Variants in WWOX observed in about 807,000 individuals in gnomAD.
WWOX encodes the protein WW domain-containing oxidoreductase.
Under a neutral mutation model 46.2 loss-of-function variants are expected in WWOX, and 69 were observed. That is an observed-to-expected ratio of 1.49 (90% CI 1.23 to 1.82). WWOX has a LOEUF of 1.82. WWOX is among the 40% of genes most tolerant of loss of function. WWOX has a pLI of 0.00. For synonymous variants in WWOX, 359 were observed against 202.6 expected (o/e 1.77, Z -6.56); for missense variants, 919 against 542.6 (o/e 1.69, Z -6.89).
chr16:78,817,738 G>A (rs1438242723), intron 8 of WWOX, among the ~76,000 whole-genome samples: 8 of 152,052 alleles, frequency 5.3e-5, no homozygotes, highest in Non-Finnish European at 1.0e-4. Context: ...GACCTCTTCG[G>A]GTCCCAGCCC....
intron 8 of WWOX, among the ~76,000 whole-genome samples, chr16:79,025,535 C>A (rs1230924976): frequency 6.6e-6 from 1 of 152,028 alleles, no homozygotes; most frequent in Non-Finnish European, 1.5e-5. Context: ...CCAGGGAGCA[C>A]TGAGGGCTGC....
At chr16:78,163,751 G>C (rs1208924427) in intron 4 of WWOX, among the ~76,000 whole-genome samples, 1 of 152,190 alleles carries the variant, frequency 6.6e-6, no homozygotes, top group Non-Finnish European at 1.5e-5. Context: ...ACTTACCATA[G>C]AGTAGAGCAT....
intron 8 of WWOX, among the ~76,000 whole-genome samples, chr16:78,788,391 G>A (rs932578098): frequency 6.6e-6 from 1 of 152,182 alleles, no homozygotes; most frequent in Non-Finnish European, 1.5e-5. Context: ...CCCAAGGCAG[G>A]ACTCTAATCT....
At chr16:78,122,273 A>T (rs2033133497) in intron 4 of WWOX, among the ~76,000 whole-genome samples, 1 of 152,190 alleles carries the variant, frequency 6.6e-6, no homozygotes, top group Non-Finnish European at 1.5e-5. Flanking sequence ...TGTGAACCTG[A>T]TTAGATCTCA....
chr16:79,070,312 C>T (rs1347686851), intron 8 of WWOX, among the ~76,000 whole-genome samples: 2 of 138,218 alleles, frequency 1.4e-5, no homozygotes, highest in East Asian at 2.1e-4. Flanking sequence ...GTGTGTTTTC[C>T]AGAAACCAAC....
At position 78,934,616 on chromosome 16, in the gene WWOX, G is replaced by A. The variant is rs575316786; in HGVS notation, c.1057-276992G>A. Reference sequence around the variant, plus strand: ...TTTTTACCCTACCCTCTTCCCCTATGACCCACCACCACGCAGGCCTTGCTA... The same window carrying A: ...TTTTTACCCTACCCTCTTCCCCTATAACCCACCACCACGCAGGCCTTGCTA... On this transcript the variant is annotated intron_variant, in intron 8 of 8. Transcript: ENST00000566780. Among the ~76,000 whole-genome samples the A allele has an allele frequency of 7.9e-4, 120 of 151,268 alleles. 1 individual carries two copies. Among genetic ancestry groups the A allele is most frequent in the African/African-American group, 2.7e-3 (112 of 41,258 alleles).
chr16:78,879,874 T>C (rs938924438), intron 8 of WWOX, among the ~76,000 whole-genome samples: 1 of 82,028 alleles, frequency 1.2e-5, no homozygotes, highest in African/African-American at 4.1e-5. Context: ...CAAAACTCTG[T>C]CTCAAAAAAA....
At chr16:78,823,052 T>C (rs931619113) in intron 8 of WWOX, among the ~76,000 whole-genome samples, 2 of 152,246 alleles carry the variant, frequency 1.3e-5, no homozygotes, top group African/African-American at 4.8e-5. Context: ...AAAGGCCTTT[T>C]ATTGCATGCT....
intron 5 of WWOX, among the ~76,000 whole-genome samples, chr16:78,368,022 G>T (rs1381052719): frequency 6.6e-6 from 1 of 152,176 alleles, no homozygotes; most frequent in African/African-American, 2.4e-5. Flanking sequence ...CTCCCAAAGT[G>T]CTGGGATTAC....
intron 8 of WWOX, among the ~76,000 whole-genome samples, chr16:79,022,743 C>A (rs950940400): frequency 6.6e-6 from 1 of 152,168 alleles, no homozygotes; most frequent in Non-Finnish European, 1.5e-5. Flanking sequence ...CAGTGGCCCC[C>A]CACCAAGCCC....
At position 78,320,241 on chromosome 16, in the gene WWOX, GT is replaced by G. The variant is rs549408425; in HGVS notation, c.517-66614del. 1.1e-3 allele frequency among the ~76,000 whole-genome samples: 166 copies of G among 152,260 alleles called. 1 individual carries two copies. The highest frequency in any genetic ancestry group is 0.01 in the Middle Eastern group (3 of 294). On this transcript the variant is annotated intron_variant, in intron 5 of 8. Coordinates refer to ENST00000566780, the MANE Select transcript of WWOX (RefSeq NM_016373.4). Reference sequence around the variant, plus strand: ...GGTACAGAACTGAAATTTTCTCTGGGTTTTTAAGTGGAAGAGTACACAAGCA... The same window carrying G: ...GGTACAGAACTGAAATTTTCTCTGGGTTTTAAGTGGAAGAGTACACAAGCA...
chr16:78,659,227 CACAG>C (rs2047155176), intron 8 of WWOX, among the ~76,000 whole-genome samples: 1 of 152,120 alleles, frequency 6.6e-6, no homozygotes, highest in Non-Finnish European at 1.5e-5. Context: ...GAAATTGAGG[CACAG>C]ACAGATTCAA....
intron 8 of WWOX, chr16:79,203,758 C>T (rs1007901232): frequency 3.3e-5 from 5 of 152,148 alleles, no homozygotes; most frequent in Admixed American, 2.0e-4. Flanking sequence ...TGAAGATATT[C>T]TTTGCGCTGT....
At chr16:78,926,314 A>G (rs2045496509) in intron 8 of WWOX, among the ~76,000 whole-genome samples, 2 of 151,940 alleles carry the variant, frequency 1.3e-5, no homozygotes, top group South Asian at 4.2e-4. Flanking sequence ...TGGAGATTGC[A>G]GTGAGCCATG....
intron 5 of WWOX, among the ~76,000 whole-genome samples, chr16:78,272,273 G>A (rs2079492758): frequency 2.0e-5 from 3 of 152,090 alleles, no homozygotes; most frequent in African/African-American, 7.2e-5. Context: ...CATGGGTCTG[G>A]CACTTTCACG....
chr16:78,679,367 A>C (rs553820968), intron 8 of WWOX, among the ~76,000 whole-genome samples: 3 of 152,158 alleles, frequency 2.0e-5, no homozygotes, highest in Non-Finnish European at 4.4e-5. Context: ...CTTGGCCATC[A>C]CAGTAAAACC....
Position 78,470,577 on chromosome 16 carries a change from T to C in WWOX, c.1056+37825T>C, listed in dbSNP as rs552281162. Among the ~76,000 whole-genome samples, 373 of 152,300 alleles carry C rather than the reference T, an allele frequency of 2.4e-3. 3 individuals are homozygous for C. Among genetic ancestry groups the C allele is most frequent in the Middle Eastern group, 6.8e-3 (2 of 294 alleles). Reference sequence around the variant, plus strand: ...CAGAATCTTGCTCTGTCGCCCAGGCTGGAGTGCAATGGCACCATCTTGACT... The same window carrying C: ...CAGAATCTTGCTCTGTCGCCCAGGCCGGAGTGCAATGGCACCATCTTGACT... On this transcript the variant is annotated intron_variant, in intron 8 of 8. Transcript: ENST00000566780.
chr16:79,058,766 A>G (rs77959284), intron 8 of WWOX, among the ~76,000 whole-genome samples: 1 of 152,334 alleles, frequency 6.6e-6, no homozygotes, highest in Non-Finnish European at 1.5e-5. Context: ...TTCTACTAAA[A>G]TATTATTTTA....
intron 8 of WWOX, among the ~76,000 whole-genome samples, chr16:78,544,408 T>C (rs2151532400): frequency 6.6e-6 from 1 of 152,352 alleles, no homozygotes; most frequent in East Asian, 1.9e-4. Context: ...GTAGACATTA[T>C]CTTCATCTTA....
Sources: gnomAD v4.1 joint callset for allele counts (sites outside exome capture counted in the v4.1 genomes callset) on GRCh38, gnomAD v4.1.1 for gene constraint, MANE v1.5 for transcripts, NCBI Gene and HGNC (gene_info 2026-07-23, HGNC 2026-07-21) for gene names.